Variants in HDAC10 observed in about 807,000 individuals in gnomAD.
The protein encoded by HDAC10 is polyamine deacetylase HDAC10.
Under a neutral mutation model 82.3 loss-of-function variants are expected in HDAC10, and 90 were observed. The observed-to-expected ratio is 1.09, with a 90% CI of 0.92 to 1.30. The LOEUF is 1.30. Ranked by LOEUF, HDAC10 falls within the 50% of genes most tolerant of loss-of-function variation. HDAC10 has a pLI of 0.00. For synonymous variants in HDAC10, 456 were observed against 391.7 expected, an observed-to-expected ratio of 1.16 and a Z score of -1.94; for missense variants, 934 against 876.3, an observed-to-expected ratio of 1.07 and a Z score of -0.83.
At chr22:50,250,717 TC>T (rs1207525732) in intron 2 of HDAC10, 53 bp downstream of exon 2, 139 of 1,497,368 alleles carry the variant, frequency 9.3e-5, no homozygotes, top group Non-Finnish European at 1.2e-4. Flanking sequence ...TTCTTAGGTT[TC>T]TAGCTGGGCT....
intron 14 of HDAC10, 40 bp from the exon 15 acceptor site, chr22:50,247,006 A>G (rs1175107364): frequency 1.5e-6 from 2 of 1,349,500 alleles, no homozygotes; most frequent in Non-Finnish European, 2.1e-6. Context: ...GGCACCAACC[A>G]ACTCCCAAGC....
rs371202101 is a variant in HDAC10 at position 50,249,760 on chromosome 22, G to A, written c.495-57C>T. The A allele has an allele frequency of 5.1e-5, 82 of 1,607,988 alleles. No individual in the cohort carries two copies. The African/African-American group carries it at 8.6e-4, about 17-fold the overall frequency. On this transcript the variant is annotated intron_variant, in intron 5 of 19. Transcript: ENST00000216271. This position sits in a 1 kb window ranked among gnomAD's most constrained non-coding sequence, Gnocchi z 4.4. ...CAGGGCCTCCCACCTCCAGGAGCCC[G>A]GCCAGGGATGGGAAGGTGCTGGCTG... is the stretch of plus-strand genomic sequence containing the variant.
intron 3 of HDAC10, 55 bp from the exon 4 acceptor site, chr22:50,250,215 G>A (rs888328149): frequency 6.7e-7 from 1 of 1,502,846 alleles, no homozygotes; most frequent in African/African-American, 1.4e-5. Context: ...CCCTTTGCAG[G>A]CCATACCCAC....
Position 50,249,380 on chromosome 22 carries a change from G to T in HDAC10, c.638C>A (p.Ala213Glu). The change falls in exon 7 of 20, where the codon GCA becomes GAA. Residue 213 changes from alanine (A) to glutamate (E), a missense_variant. Coordinates refer to ENST00000216271, the MANE Select transcript of HDAC10 (RefSeq NM_032019.6). This position sits in a 1 kb window ranked among gnomAD's most constrained non-coding sequence, Gnocchi z 4.4. ...WPFLRESDAD[A>E]VGRGQGLGFT... ...GCCGAGGCCCTGTCCCCGCCCCACT[G>T]CGTCTGCATCTGACTCTCGCAGGAA... 1 of 1,612,658 alleles carries T rather than the reference G, an allele frequency of 6.2e-7. No individual in the cohort carries two copies.
At position 50,245,713 on chromosome 22, in the gene HDAC10, G is replaced by T. The variant is rs755284115; in HGVS notation, c.1948C>A (p.Leu650Met). The T allele has an allele frequency of 1.2e-6, 2 of 1,613,244 alleles. No homozygotes were observed. Among genetic ancestry groups the T allele is most frequent in the South Asian group, 1.1e-5 (1 of 91,060 alleles). ...SPEDVQALMY[L>M]RGQLEPQWKM... ...CACTGAGGCTCCAGCTGCCCTCTCAGGTACATCAGGGCCTGGACGTCCTCT... is the reference window on the plus strand; with the variant it reads ...CACTGAGGCTCCAGCTGCCCTCTCATGTACATCAGGGCCTGGACGTCCTCT... Residue 650 changes from leucine to methionine, a missense_variant, in exon 19 of 20, where the codon CTG becomes ATG. Leu to Met is a conservative substitution (Grantham distance 15). Coordinates refer to ENST00000216271, the MANE Select transcript of HDAC10 (RefSeq NM_032019.6).
In HDAC10 at chr22:50,248,931, G is replaced by T. The variant is rs1416423867; in HGVS notation, c.757-41C>A. On this transcript the variant is annotated intron_variant, in intron 8 of 19. Transcript: ENST00000216271. This position sits in a 1 kb window ranked among gnomAD's most constrained non-coding sequence, Gnocchi z 5.4. Reference sequence around the variant, plus strand: ...GAGTGGGGAGGGTCGACAGAGAGGGGCTGGAGCCCAGGTGAGGGCGAGCCA... The same window carrying T: ...GAGTGGGGAGGGTCGACAGAGAGGGTCTGGAGCCCAGGTGAGGGCGAGCCA... 1 of 1,593,066 alleles carries T rather than the reference G, an allele frequency of 6.3e-7. No individual in the cohort carries two copies. The highest frequency in any genetic ancestry group is 1.1e-5 in the South Asian group (1 of 88,840).
rs779328803 is a variant in HDAC10 at position 50,250,139 on chromosome 22, G to A, written c.313C>T (p.Leu105=). 1.9e-6 allele frequency: 3 copies of A among 1,612,366 alleles called. No individual in the cohort carries two copies. The highest frequency in any genetic ancestry group is 2.5e-6 in the Non-Finnish European group (3 of 1,179,928). ...AGCTGCAGTCCAGCCCCTGCGGCCA[G>A]CCGCGCGCAGTGAAAGGTACTCTGT... ...FHPSTFHCAR[L]AAGAGLQLVD... The change falls in exon 4 of 20, where the codon CTG becomes TTG. Residue 105 remains leucine, a synonymous_variant. Coordinates refer to ENST00000216271, the MANE Select transcript of HDAC10 (RefSeq NM_032019.6).
Position 50,245,274 on chromosome 22 carries a change from A to G in HDAC10, c.*233T>C, listed in dbSNP as rs1185745284. 1.2e-5 allele frequency: 7 copies of G among 587,994 alleles called. No homozygotes were observed. Among genetic ancestry groups the G allele is most frequent in the African/African-American group, 3.9e-5 (2 of 51,380 alleles). The allele number at this position is 587,994 out of a possible 1,614,324, so 36.4% of individuals were successfully genotyped here. On this transcript the variant is annotated 3_prime_UTR_variant, in exon 20 of 20. Coordinates refer to ENST00000216271, the MANE Select transcript of HDAC10 (RefSeq NM_032019.6). Reference sequence around the variant, plus strand: ...CGGAACGGGACCGAGCGTGGGTTGCATGGGCCTCGATGGGACGGGCCGGGG... The same window carrying G: ...CGGAACGGGACCGAGCGTGGGTTGCGTGGGCCTCGATGGGACGGGCCGGGG...
At position 50,249,656 on chromosome 22, in the gene HDAC10, T is replaced by C. The variant is rs776664930; in HGVS notation, c.542A>G (p.Tyr181Cys). The C allele has an allele frequency of 8.7e-6, 14 of 1,612,738 alleles. No homozygotes were observed. The highest frequency in any genetic ancestry group is 6.7e-5 in the East Asian group (3 of 44,874). The change falls in exon 6 of 20, where the codon TAT (tyrosine) becomes TGT (cysteine). Residue 181 changes from tyrosine to cysteine, a missense_variant. Tyr to Cys is a radical substitution (Grantham distance 194, BLOSUM62 -2). Transcript: ENST00000216271. The surrounding 1 kb of genome is among the most constrained non-coding windows in gnomAD (Gnocchi z 4.4). ...TCACCTGGGGTCATCCTCAAAGAGA[T>C]ACTGGATCCCCTGGCCATGGTGCAC... is the stretch of plus-strand genomic sequence containing the variant. Reference protein sequence around the residue: ...WDVHHGQGIQYLFEDDPSVLY... With the variant: ...WDVHHGQGIQCLFEDDPSVLY...
rs772848333 is a variant in HDAC10 at position 50,245,976 on chromosome 22, G to A, written c.1767C>T (p.His589=). ...LGPGHGLQGP[H]AALLAAMLRG... Reference sequence around the variant, plus strand: ...GAAGCATTGCAGCCAGGAGTGCAGCGTGGGGGCCCTGCAGGCCATGGCCAG... The same window carrying A: ...GAAGCATTGCAGCCAGGAGTGCAGCATGGGGGCCCTGCAGGCCATGGCCAG... Residue 589 remains histidine (H), a synonymous_variant, in exon 18 of 20, where the codon CAC becomes CAT. Coordinates refer to ENST00000216271, the MANE Select transcript of HDAC10 (RefSeq NM_032019.6). 15 of 1,609,138 alleles carry A rather than the reference G, an allele frequency of 9.3e-6. No homozygotes were observed. The highest frequency in any genetic ancestry group is 1.6e-4 in the Middle Eastern group (1 of 6,072).
chr22:50,250,193 C>A (rs1343186903), intron 3 of HDAC10, 33 bp from the exon 4 acceptor site: 2 of 1,581,386 alleles, frequency 1.3e-6, no homozygotes, highest in Non-Finnish European at 1.7e-6. Context: ...GAGCCCCCTG[C>A]CTTCCCTGCT....
Position 50,249,129 on chromosome 22 carries a change from G to GC in HDAC10, c.729dup (p.His244AlafsTer9). On this transcript the variant is annotated frameshift_variant, in exon 8 of 20. Transcript: ENST00000216271. LOFTEE classifies it high-confidence loss of function. This position sits in a 1 kb window ranked among gnomAD's most constrained non-coding sequence, Gnocchi z 4.4. The stretch of plus-strand genomic sequence containing the variant: ...TCAAAGGCCAGTGGGAGCAGCAGGT[G>GC]CAGGAAGGCAGCCACGTAGTCAGCG... 1 of 1,603,902 alleles carries GC rather than the reference G, an allele frequency of 6.2e-7. No homozygotes were observed. Among genetic ancestry groups the GC allele is most frequent in the Non-Finnish European group, 8.5e-7 (1 of 1,175,876 alleles).
Position 50,247,909 on chromosome 22 carries a change from C to T in HDAC10, c.1318G>A (p.Glu440Lys). The T allele has an allele frequency of 6.2e-7, 1 of 1,612,744 alleles. No individual in the cohort carries two copies. Reference sequence around the variant, plus strand: ...GCCCACCTGGCCCAGGCTTCTGTCTCCTCCCTCAGGGCTGACGCTTCCTGT... The same window carrying T: ...GCCCACCTGGCCCAGGCTTCTGTCTTCTCCCTCAGGGCTGACGCTTCCTGT... The part of the protein sequence containing the change: ...IQQEASALRE[E>K]TEAWARPHES... The change falls in exon 13 of 20, where the codon GAG becomes AAG. Residue 440 changes from glutamate to lysine, a missense_variant. Glu to Lys is a moderately conservative substitution (Grantham distance 56). Transcript: ENST00000216271.
At position 50,250,429 on chromosome 22, in the gene HDAC10, G is replaced by A. The variant is rs1210536214; in HGVS notation, c.289C>T (p.Pro97Ser). Residue 97 changes from proline (P) to serine (S), a missense_variant and splice_region_variant, in exon 3 of 20, where the codon CCG becomes TCG. By Grantham distance (74) the Pro-to-Ser change is moderately conservative (BLOSUM62 -1). Coordinates refer to ENST00000216271, the MANE Select transcript of HDAC10 (RefSeq NM_032019.6). ...TGAGTGTGTCCGGGGACACGCACCG[G>A]GTGGAAGTAGATGGCGTCGAACTGT... ...SGQFDAIYFH[P>S]STFHCARLAA... The A allele has an allele frequency of 6.2e-6, 10 of 1,612,650 alleles. No individual in the cohort carries two copies. The highest frequency in any genetic ancestry group is 1.6e-4 in the Middle Eastern group (1 of 6,082).
chr22:50,247,804 C>A, intron 13 of HDAC10, 28 bp from the exon 14 acceptor site: 2 of 1,612,798 alleles, frequency 1.2e-6, no homozygotes, highest in Non-Finnish European at 1.7e-6. Flanking sequence ...GAGGGACACA[C>A]AGACACGGAG....
At chr22:50,247,010 C>T in intron 14 of HDAC10, 44 bp from the exon 15 acceptor site, 1 of 1,308,630 alleles carries the variant, frequency 7.6e-7, no homozygotes, top group Non-Finnish European at 1.1e-6. Context: ...CCAACCAACT[C>T]CCAAGCCAGG....
rs202083627 is a variant in HDAC10 at position 50,246,973 on chromosome 22, G to C, written c.1423-7C>G. 2 of 1,582,114 alleles carry C rather than the reference G, an allele frequency of 1.3e-6. No homozygotes were observed. Among genetic ancestry groups the C allele is most frequent in the Non-Finnish European group, 1.7e-6 (2 of 1,157,878 alleles). On this transcript the variant is annotated splice_polypyrimidine_tract_variant and splice_region_variant and intron_variant, in intron 14 of 19. Coordinates refer to ENST00000216271, the MANE Select transcript of HDAC10 (RefSeq NM_032019.6). ...CTGCTATACCACTGTTCACCTGTGGGATGAATAAACAGTGGAGAATGAGGC... is the reference window on the plus strand; with the variant it reads ...CTGCTATACCACTGTTCACCTGTGGCATGAATAAACAGTGGAGAATGAGGC...
At position 50,249,682 on chromosome 22, in the gene HDAC10, A is replaced by G. The variant is rs147814717; in HGVS notation, c.516T>C (p.Asp172=). ...GLHRILVVDW[D]VHHGQGIQYL... ...ACTGGATCCCCTGGCCATGGTGCAC[A>G]TCCCAGTCCACGACGAGGATCCTGG... The change falls in exon 6 of 20, where the codon GAT becomes GAC. Residue 172 remains aspartate, a synonymous_variant. Transcript: ENST00000216271. The surrounding 1 kb of genome is among the most constrained non-coding windows in gnomAD (Gnocchi z 4.4). The G allele has an allele frequency of 3.7e-6, 6 of 1,612,544 alleles. No individual in the cohort carries two copies. The highest frequency in any genetic ancestry group is 2.7e-5 in the African/African-American group (2 of 74,816).
chr22:50,249,015 T>C lies in HDAC10; in HGVS notation c.756+88A>G. The C allele has an allele frequency of 1.4e-6, 2 of 1,442,772 alleles. No homozygotes were observed. Among genetic ancestry groups the C allele is most frequent in the Admixed American group, 1.9e-5 (1 of 51,384 alleles). 89.4% of individuals were successfully genotyped at this position (1,442,772 alleles called of 1,614,324 possible). ...AGCCACACAGGAGTGGGACAGCTCATAACCCTCCTCCTGCCTTCACTGGCG... is the reference window on the plus strand; with the variant it reads ...AGCCACACAGGAGTGGGACAGCTCACAACCCTCCTCCTGCCTTCACTGGCG... On this transcript the variant is annotated intron_variant, in intron 8 of 19. Coordinates refer to ENST00000216271, the MANE Select transcript of HDAC10 (RefSeq NM_032019.6). The surrounding 1 kb of genome is among the most constrained non-coding windows in gnomAD (Gnocchi z 4.4).
Sources: allele counts gnomAD v4.1 joint callset, GRCh38; gene constraint gnomAD v4.1.1; non-coding constraint Gnocchi (gnomAD v3.1); transcripts MANE v1.5; gene names NCBI Gene and HGNC (gene_info 2026-07-23, HGNC 2026-07-21).